SZT2: variants seen among roughly 807,000 people sequenced by gnomAD.
SZT2 encodes the protein SZT2 subunit of KICSTOR complex, also known as KICSTOR complex protein SZT2.
A neutral mutation model predicts 404.2 loss-of-function variants in SZT2; 216 were observed. The ratio of observed to expected loss-of-function variants is 0.53; its 90% CI spans 0.48 to 0.60. The LOEUF (loss-of-function observed/expected upper bound fraction) is 0.60. Ranked by LOEUF, SZT2 falls within the 20% of genes least tolerant of loss-of-function variation. The pLI, the probability that SZT2 is intolerant of heterozygous loss-of-function variation, is 0.00. For missense variants in SZT2, 3,857 were observed against 4,459.2 expected (o/e 0.86, Z 3.85); for synonymous variants, 1,693 against 1,749.9 (o/e 0.97, Z 0.81).
rs778357599 is a variant in SZT2 at position 43,447,889 on chromosome 1, G to A, written c.9481G>A (p.Asp3161Asn). Residue 3161 changes from aspartate to asparagine, a missense_variant, in exon 68 of 72, where the codon GAT becomes AAT. Physicochemically the swap from Asp to Asn is conservative, Grantham distance 23. This residue lies in a region of SZT2 where 717 missense variants were observed against 868.2 expected (regional missense o/e 0.83). Coordinates refer to ENST00000634258, the MANE Select transcript of SZT2 (RefSeq NM_001365999.1). ...GGACTCTGAGGGACTTCGACACCAG[G>A]ATGACTTTGATGTGTCTCTGCTTGT... ...YLDSEGLRHQ[D>N]DFDVSLLVCH... 1.2e-6 allele frequency: 2 copies of A among 1,614,104 alleles called. No homozygotes were observed. Among genetic ancestry groups the A allele is most frequent in the Middle Eastern group, 1.6e-4 (1 of 6,062 alleles).
In SZT2 at chr1:43,442,366, A is replaced by G; in HGVS notation, c.7972A>G (p.Lys2658Glu). 6.2e-7 allele frequency: 1 copy of G among 1,613,794 alleles called. No homozygotes were observed. The highest frequency in any genetic ancestry group is 1.1e-5 in the South Asian group (1 of 91,060). The change falls in exon 57 of 72, where the codon AAG (lysine) becomes GAG (glutamate). Residue 2658 changes from lysine to glutamate, a missense_variant and splice_region_variant. Lys to Glu is a moderately conservative substitution (Grantham distance 56). This residue lies in a region of SZT2 where 573 missense variants were observed against 592.4 expected (regional missense o/e 0.97). Transcript: ENST00000634258. The surrounding 1 kb of genome is among the most constrained non-coding windows in gnomAD (Gnocchi z 4.5). ...CTTGCTACTAGAGGTTGTGGACAAG[A>G]AGGTAAATATGGGGCCAGGGACTGG... Reference protein sequence around the residue: ...RLLLLEVVDKKLQLLTYNWAP... With the variant: ...RLLLLEVVDKELQLLTYNWAP...
chr1:43,434,317 A>G (rs1654235540), intron 40 of SZT2, 69 bp from the exon 41 acceptor site: 9 of 1,330,288 alleles, frequency 6.8e-6, no homozygotes, highest in African/African-American at 1.5e-5. Context: ...GTTATGTCAT[A>G]TACATATCAT....
Position 43,432,333 on chromosome 1 carries a change from T to C in SZT2, c.5336T>C (p.Phe1779Ser), listed in dbSNP as rs1653993096. Residue 1779 changes from phenylalanine (F) to serine (S), a missense_variant, in exon 37 of 72, where the codon TTC becomes TCC. By Grantham distance (155) the Phe-to-Ser change is radical. Coordinates refer to ENST00000634258, the MANE Select transcript of SZT2 (RefSeq NM_001365999.1). ...CTTGAAGACCCTGACAGTGGCTTCT[T>C]CTTTGTGGCAGCTGGCCAACAGCCA... The part of the protein sequence containing the change: ...VLLEDPDSGF[F>S]FVAAGQQPGG... The C allele has an allele frequency of 2.5e-6, 4 of 1,605,786 alleles. No homozygotes were observed. The Admixed American group carries it at 5.2e-5, about 21-fold the overall frequency.
rs765036183 is a variant in SZT2 at position 43,424,299 on chromosome 1, C to T, written c.2338C>T (p.Arg780Cys). The T allele has an allele frequency of 6.9e-6, 11 of 1,598,018 alleles. No homozygotes were observed. Among genetic ancestry groups the T allele is most frequent in the East Asian group, 4.5e-5 (2 of 44,882 alleles). Reference sequence around the variant, plus strand: ...AGGTCCACTGCCCTTGGTGTCAGGCCGCTCAGCCTCTTCTAGCCTGGCGTC... The same window carrying T: ...AGGTCCACTGCCCTTGGTGTCAGGCTGCTCAGCCTCTTCTAGCCTGGCGTC... ...PPGPLPLVSG[R>C]SASSSLASLS... Residue 780 changes from arginine to cysteine, a missense_variant, in exon 16 of 72, where the codon CGC (arginine) becomes TGC (cysteine). Arg to Cys is a radical substitution (Grantham distance 180). Coordinates refer to ENST00000634258, the MANE Select transcript of SZT2 (RefSeq NM_001365999.1). The surrounding 1 kb of genome is among the most constrained non-coding windows in gnomAD (Gnocchi z 4.1).
chr1:43,403,483 A>G, intron 2 of SZT2, 118 bp from the exon 3 acceptor site: 1 of 1,408,924 alleles, frequency 7.1e-7, no homozygotes, highest in Middle Eastern at 2.6e-4. Context: ...GGAAGAGTAT[A>G]CGGTTAGATT....
At position 43,430,039 on chromosome 1, in the gene SZT2, A is replaced by G; in HGVS notation, c.4337A>G (p.His1446Arg). ...QEKFLEISRL[H>R]FRTVPSNPHY... ...AAGTTCCTAGAGATCAGTCGTCTCC[A>G]CTTCCGCACAGTGCCTTCCAATCCC... is the stretch of plus-strand genomic sequence containing the variant. Residue 1446 changes from histidine to arginine, a missense_variant, in exon 30 of 72, where the codon CAC becomes CGC. By Grantham distance (29) the His-to-Arg change is conservative. This residue lies in a region of SZT2 where 1,725 missense variants were observed against 1,881.0 expected (regional missense o/e 0.92). Coordinates refer to ENST00000634258, the MANE Select transcript of SZT2 (RefSeq NM_001365999.1). 2 of 1,614,132 alleles carry G rather than the reference A, an allele frequency of 1.2e-6. No homozygotes were observed. Among genetic ancestry groups the G allele is most frequent in the Middle Eastern group, 1.6e-4 (1 of 6,062 alleles).
At position 43,434,511 on chromosome 1, in the gene SZT2, G is replaced by A. The variant is rs375773415; in HGVS notation, c.5904+26G>A. Reference sequence around the variant, plus strand: ...GTAAGGGGCAGGACTCTCCAGACCCGGACACACAGAGCAGATGAGAACCAA... The same window carrying A: ...GTAAGGGGCAGGACTCTCCAGACCCAGACACACAGAGCAGATGAGAACCAA... On this transcript the variant is annotated intron_variant, in intron 41 of 71. Transcript: ENST00000634258. The A allele has an allele frequency of 4.3e-4, 664 of 1,559,922 alleles. 1 individual carries two copies. The highest frequency in any genetic ancestry group is 5.4e-4 in the Non-Finnish European group (621 of 1,147,272).
In SZT2 at chr1:43,453,938, A is replaced by G. The variant is rs1656760406; in HGVS notation, c.*3458A>G. 4 of 1,203,044 alleles carry G rather than the reference A, an allele frequency of 3.3e-6. No homozygotes were observed. The highest frequency in any genetic ancestry group is 1.6e-5 in the African/African-American group (1 of 62,994). 74.5% of individuals were successfully genotyped at this position (1,203,044 alleles called of 1,614,324 possible). A position where few individuals can be genotyped will look rare whatever the true frequency, so the allele number is the denominator to read the frequency against. On this transcript the variant is annotated 3_prime_UTR_variant, in exon 72 of 72. Coordinates refer to ENST00000634258, the MANE Select transcript of SZT2 (RefSeq NM_001365999.1). ...CGTGGTTAGAAAAGCGAAGTGCTGT[A>G]AAAACCCGGGCCTTCACGAAAAGCG...
In SZT2 at chr1:43,443,346, C is replaced by T. The variant is rs376269256; in HGVS notation, c.8500-6C>T. ...CTGCTCCATGCTCACTGCCCTGTTT[C>T]CCCAGGCTGGAGAGCTGGAGACCCT... On this transcript the variant is annotated splice_region_variant and splice_polypyrimidine_tract_variant and intron_variant, in intron 60 of 71. Coordinates refer to ENST00000634258, the MANE Select transcript of SZT2 (RefSeq NM_001365999.1). 6.2e-7 allele frequency: 1 copy of T among 1,614,064 alleles called. No individual in the cohort carries two copies. Among genetic ancestry groups the T allele is most frequent in the African/African-American group, 1.3e-5 (1 of 74,916 alleles).
intron 2 of SZT2, 95 bp from the exon 3 acceptor site, chr1:43,403,506 G>C: frequency 6.9e-7 from 1 of 1,444,526 alleles, no homozygotes; most frequent in Non-Finnish European, 9.5e-7. Context: ...GGGAGGTAGA[G>C]CCAATGATGT....
Position 43,432,994 on chromosome 1 carries a change from G to C in SZT2, c.5608G>C (p.Asp1870His). The change falls in exon 40 of 72, where the codon GAT becomes CAT. Residue 1870 changes from aspartate (D) to histidine (H), a missense_variant. By Grantham distance (81) the Asp-to-His change is moderately conservative. Coordinates refer to ENST00000634258, the MANE Select transcript of SZT2 (RefSeq NM_001365999.1). ...CTTCAATGCATCTGACACAGGTTAT[G>C]ATGGTGGCAGCAGTGGCTCAGACAG... ...GSVDSDHLGYDGGSSGSDSEG... is the reference protein window; with the variant it reads ...GSVDSDHLGYHGGSSGSDSEG... 1 of 1,614,054 alleles carries C rather than the reference G, an allele frequency of 6.2e-7. No individual in the cohort carries two copies. Among genetic ancestry groups the C allele is most frequent in the Non-Finnish European group, 8.5e-7 (1 of 1,180,024 alleles).
chr1:43,398,448 T>G (rs1269096465), intron 1 of SZT2, among the ~76,000 whole-genome samples: 1 of 152,154 alleles, frequency 6.6e-6, no homozygotes, highest in African/African-American at 2.4e-5. Flanking sequence ...AAACCATCCC[T>G]TAACAAAAAA....
intron 1 of SZT2, among the ~76,000 whole-genome samples, chr1:43,400,952 C>T (rs768828595): frequency 4.6e-5 from 7 of 151,706 alleles, no homozygotes; most frequent in Admixed American, 1.3e-4. Context: ...GACAGGGTCT[C>T]GCTCTGTTGC....
rs1206247221 is a variant in SZT2 at position 43,420,195 on chromosome 1, G to A, written c.1133G>A (p.Ser378Asn). ...RLFNEHLVSA[S>N]SNPALALRRK... ...TTTAATGAGCACCTGGTCTCTGCAA[G>A]CAGCAACCCTGCCCTGGCCTTGCGC... Residue 378 changes from serine (S) to asparagine (N), a missense_variant, in exon 9 of 72, where the codon AGC becomes AAC. Physicochemically the swap from Ser to Asn is conservative, Grantham distance 46. Coordinates refer to ENST00000634258, the MANE Select transcript of SZT2 (RefSeq NM_001365999.1). The surrounding 1 kb of genome is among the most constrained non-coding windows in gnomAD (Gnocchi z 5.1). 2 of 1,598,344 alleles carry A rather than the reference G, an allele frequency of 1.3e-6. No individual in the cohort carries two copies. Among genetic ancestry groups the A allele is most frequent in the Non-Finnish European group, 8.5e-7 (1 of 1,179,822 alleles).
At chr1:43,445,037 T>C (rs1214157158) in intron 62 of SZT2, among the ~76,000 whole-genome samples, 2 of 152,198 alleles carry the variant, frequency 1.3e-5, no homozygotes, top group Non-Finnish European at 2.9e-5. Context: ...GAGGCCAGGC[T>C]GGCCCCTCCT....
chr1:43,393,127 T>A (rs1648605836), intron 1 of SZT2, among the ~76,000 whole-genome samples: 1 of 152,170 alleles, frequency 6.6e-6, no homozygotes, highest in African/African-American at 2.4e-5. Flanking sequence ...AGAATGACAT[T>A]TAAGCTGAAG....
intron 1 of SZT2, among the ~76,000 whole-genome samples, chr1:43,395,715 A>G (rs1355644618): frequency 6.6e-6 from 1 of 152,250 alleles, no homozygotes; most frequent in Non-Finnish European, 1.5e-5. Flanking sequence ...ACTATAGAAT[A>G]TGTTTTATGA....
In SZT2 at chr1:43,431,307, G is replaced by T. The variant is rs749449694; in HGVS notation, c.4959G>T (p.Gly1653=). The change falls in exon 34 of 72, where the codon GGG becomes GGT. Residue 1653 remains glycine (G), a synonymous_variant. Coordinates refer to ENST00000634258, the MANE Select transcript of SZT2 (RefSeq NM_001365999.1). ...ESSASFPRSP[G]QPSSLRSDDG... is the part of the protein sequence containing the mutation. ...GTGCTTCATTTCCACGATCCCCAGG[G>T]CAGCCATCATCTTTAAGGTCAGATG... The T allele has an allele frequency of 6.2e-7, 1 of 1,613,070 alleles. No homozygotes were observed. The highest frequency in any genetic ancestry group is 1.3e-5 in the African/African-American group (1 of 74,844).
Position 43,440,040 on chromosome 1 carries a change from C to T in SZT2, c.7202C>T (p.Thr2401Ile), listed in dbSNP as rs769426886. The T allele has an allele frequency of 6.2e-7, 1 of 1,613,950 alleles. No homozygotes were observed. Among genetic ancestry groups the T allele is most frequent in the Non-Finnish European group, 8.5e-7 (1 of 1,179,902 alleles). ...CCAGCTTCACTATGTACAGAGGACACACCCACAGGTATGCAAGTCAAGAGG... is the reference window on the plus strand; with the variant it reads ...CCAGCTTCACTATGTACAGAGGACATACCCACAGGTATGCAAGTCAAGAGG... ...LLPASLCTED[T>I]PTGSLRNGSL... The change falls in exon 51 of 72, where the codon ACA (threonine) becomes ATA (isoleucine). Residue 2401 changes from threonine (T) to isoleucine (I), a missense_variant. Coordinates refer to ENST00000634258, the MANE Select transcript of SZT2 (RefSeq NM_001365999.1).
Sources: allele counts gnomAD v4.1 joint callset (sites outside exome capture counted in the v4.1 genomes callset), GRCh38; gene constraint gnomAD v4.1.1; regional missense constraint gnomAD v4.1.1; non-coding constraint Gnocchi (gnomAD v3.1); transcripts MANE v1.5; gene names NCBI Gene and HGNC (gene_info 2026-07-23, HGNC 2026-07-21).